ODAD4: variants seen among roughly 807,000 people sequenced by gnomAD.
ODAD4 encodes the protein outer dynein arm docking complex subunit 4, also known as outer dynein arm-docking complex subunit 4.
Under a neutral mutation model 51.8 loss-of-function variants are expected in ODAD4, and 49 were observed. That is an observed-to-expected ratio of 0.95 (90% confidence interval 0.75 to 1.20). The LOEUF (loss-of-function observed/expected upper bound fraction) is 1.20, where lower values mean the gene tolerates loss of function less well. Ranked by LOEUF, ODAD4 falls within the 50% of genes most tolerant of loss-of-function variation. The pLI is 0.00. For missense variants in ODAD4, 590 were observed against 586.5 expected (o/e 1.01, Z -0.06); for synonymous variants, 235 against 221.3 (o/e 1.06, Z -0.55).
intron 8 of ODAD4, among the ~76,000 whole-genome samples, chr17:41,947,434 G>A (rs1186588726): frequency 1.3e-5 from 2 of 151,410 alleles, no homozygotes; most frequent in South Asian, 2.1e-4. Context: ...GAAGTGAGCC[G>A]AGATCACGCC....
At chr17:41,947,948 G>A (rs2144516274) in intron 8 of ODAD4, among the ~76,000 whole-genome samples, 1 of 151,480 alleles carries the variant, frequency 6.6e-6, no homozygotes, top group African/African-American at 2.4e-5. Flanking sequence ...GAGAAACCCC[G>A]TTTCTACTAA....
At chr17:41,951,316 C>A (rs2050648301) in intron 9 of ODAD4, among the ~76,000 whole-genome samples, 1 of 151,994 alleles carries the variant, frequency 6.6e-6, no homozygotes, top group Non-Finnish European at 1.5e-5. Context: ...AACTCTTGAC[C>A]TCGTGATCTG....
chr17:41,965,766 T>TACAGGGAACAAGAAGTC lies in ODAD4; in HGVS notation c.*291_*307dup, dbSNP rs2050875812. ...TTCAGGAGGGTGAAGATACGGGCGC[T>TACAGGGAACAAGAAGTC]ACAGGGAACAAGAAGTCACAGGGAG... On this transcript the variant is annotated 3_prime_UTR_variant, in exon 12 of 12. Transcript: ENST00000377540. The TACAGGGAACAAGAAGTC allele has an allele frequency of 2.9e-6, 1 of 346,554 alleles. No individual in the cohort carries two copies. The highest frequency in any genetic ancestry group is 6.7e-5 in the East Asian group (1 of 14,972). 21.5% of individuals were successfully genotyped at this position (346,554 alleles called of 1,614,324 possible).
chr17:41,955,659 T>G (rs1334330466), intron 10 of ODAD4, among the ~76,000 whole-genome samples: 2 of 152,134 alleles, frequency 1.3e-5, no homozygotes, highest in Admixed American at 6.6e-5. Context: ...CTCCTGACTT[T>G]GTGATCCGCC....
chr17:41,931,641 A>G (rs1481647282), intron 1 of ODAD4, among the ~76,000 whole-genome samples: 1 of 151,960 alleles, frequency 6.6e-6, no homozygotes, highest in Non-Finnish European at 1.5e-5. Context: ...CCCCAGGTTC[A>G]AGCGATTTTC....
intron 1 of ODAD4, among the ~76,000 whole-genome samples, chr17:41,932,807 C>G (rs1182577318): frequency 6.9e-6 from 1 of 145,482 alleles, no homozygotes; most frequent in Non-Finnish European, 1.5e-5. Context: ...TCAAGTAATA[C>G]TCCCGCTTTG....
intron 9 of ODAD4, 146 bp downstream of exon 9, chr17:41,949,495 T>G (rs1349430224): frequency 2.5e-6 from 1 of 395,510 alleles, no homozygotes; most frequent in Non-Finnish European, 4.4e-6. Context: ...CACTCTATTT[T>G]GACCAGCACG....
chr17:41,939,111 C>CT lies in ODAD4; in HGVS notation c.998dup (p.Gln335AlafsTer20), dbSNP rs1567930554. 6.2e-7 allele frequency: 1 copy of CT among 1,613,996 alleles called. No individual in the cohort carries two copies. The highest frequency in any genetic ancestry group is 8.5e-7 in the Non-Finnish European group (1 of 1,179,894). On this transcript the variant is annotated frameshift_variant, in exon 7 of 12. Transcript: ENST00000377540. LOFTEE classifies it high-confidence loss of function. ...CTGCATAGGGAATGCCCAGATTGAG[C>CT]TGGGGCAGATGGAGGCAGCCCTGCA...
At position 41,965,283 on chromosome 17, in the gene ODAD4, G is replaced by A. The variant is rs200610016; in HGVS notation, c.1819G>A (p.Glu607Lys). The A allele has an allele frequency of 1.1e-3, 856 of 779,756 alleles. 21 individuals are homozygous for A. Among genetic ancestry groups the A allele is most frequent in the South Asian group, 0.01 (776 of 74,324 alleles). 48.3% of individuals were successfully genotyped at this position (779,756 alleles called of 1,614,324 possible). ...GAAGCTACTAGAAGCTGGCAGAAGA[G>A]AGTCAAGAGAAATTTATAGGAGGCC... ...GRKLLEAGRR[E>K]SREIYRRPSG... The change falls in exon 12 of 12, where the codon GAG (glutamate) becomes AAG (lysine). Residue 607 changes from glutamate (E) to lysine (K), a missense_variant. Glu to Lys is a moderately conservative substitution (Grantham distance 56). Transcript: ENST00000377540.
At chr17:41,937,276 A>G (rs572400210) in intron 5 of ODAD4, among the ~76,000 whole-genome samples, 172 of 152,296 alleles carry the variant, frequency 1.1e-3, no homozygotes, top group African/African-American at 4.1e-3. Flanking sequence ...AATCCTTACA[A>G]TGGGCAAAGG....
chr17:41,965,448 A>C lies in ODAD4; in HGVS notation c.1984A>C (p.Lys662Gln). The change falls in exon 12 of 12, where the codon AAA becomes CAA. Residue 662 changes from lysine to glutamine, a missense_variant. Around this residue, in one of 3 missense-constraint regions of ODAD4, gnomAD observed 226 missense variants for 162.7 expected, o/e 1.39. Transcript: ENST00000377540. ...TQFGEIGETKKTGNEMEKEYE is the reference protein window; with the variant it reads ...TQFGEIGETKQTGNEMEKEYE Reference sequence around the variant, plus strand: ...ATTTGGAGAAATAGGAGAAACGAAAAAAACAGGAAATGAGATGGAAAAGGA... The same window carrying C: ...ATTTGGAGAAATAGGAGAAACGAAACAAACAGGAAATGAGATGGAAAAGGA... The C allele has an allele frequency of 1.3e-6, 1 of 773,496 alleles. No individual in the cohort carries two copies. Among genetic ancestry groups the C allele is most frequent in the South Asian group, 1.4e-5 (1 of 72,698 alleles). The allele number at this position is 773,496 out of a possible 1,614,324, so 47.9% of individuals were successfully genotyped here.
At position 41,955,303 on chromosome 17, in the gene ODAD4, C is replaced by A. The variant is rs1555640843; in HGVS notation, c.1429C>A (p.Gln477Lys). 2.6e-6 allele frequency: 2 copies of A among 778,788 alleles called. No homozygotes were observed. Among genetic ancestry groups the A allele is most frequent in the Non-Finnish European group, 4.8e-6 (2 of 417,280 alleles). 48.2% of individuals were successfully genotyped at this position (778,788 alleles called of 1,614,324 possible). ...GCTTGTGCATAACAACGAGGCGCAG[C>A]AGGCCATCATCAGTGTGAGCCTTTC... ...AKLVHNNEAQQAIISALDDAN... is the reference protein window; with the variant it reads ...AKLVHNNEAQKAIISALDDAN... Residue 477 changes from glutamine (Q) to lysine (K), a missense_variant, in exon 10 of 12, where the codon CAG becomes AAG. Gln to Lys is a moderately conservative substitution (Grantham distance 53). Transcript: ENST00000377540.
chr17:41,932,269 A>T (rs565484046), intron 1 of ODAD4, among the ~76,000 whole-genome samples: 1 of 151,892 alleles, frequency 6.6e-6, no homozygotes, highest in South Asian at 2.1e-4. Flanking sequence ...GGGTTTCTCC[A>T]TGTTGGTCAG....
At chr17:41,963,920 G>A (rs1304050670) in intron 11 of ODAD4, among the ~76,000 whole-genome samples, 1 of 148,862 alleles carries the variant, frequency 6.7e-6, no homozygotes, top group Non-Finnish European at 1.5e-5. Context: ...TTTTGAAATG[G>A]AGTCTCCCCT....
chr17:41,937,195 C>G (rs2144494779), intron 5 of ODAD4, among the ~76,000 whole-genome samples: 1 of 152,272 alleles, frequency 6.6e-6, no homozygotes, highest in Non-Finnish European at 1.5e-5. Flanking sequence ...CTATGGTACC[C>G]TGGGAGGGAA....
chr17:41,962,623 T>C (rs1394139266), intron 11 of ODAD4, among the ~76,000 whole-genome samples: 1 of 152,228 alleles, frequency 6.6e-6, no homozygotes, highest in Non-Finnish European at 1.5e-5. Context: ...TGTTATTAGC[T>C]TGACTTTATG....
chr17:41,942,509 A>T (rs2144504848), intron 7 of ODAD4, among the ~76,000 whole-genome samples: 1 of 152,224 alleles, frequency 6.6e-6, no homozygotes, highest in East Asian at 1.9e-4. Flanking sequence ...CACTCATTCA[A>T]CTCGCCAGAA....
intron 7 of ODAD4, among the ~76,000 whole-genome samples, chr17:41,941,933 T>C (rs4594300): frequency 0.69 from 105,624 of 151,998 alleles, 37,538 homozygotes; most frequent in East Asian, 0.83. Flanking sequence ...ATGTAATGAA[T>C]GTGTGCTAAG....
At chr17:41,952,347 G>A (rs111505570) in intron 9 of ODAD4, among the ~76,000 whole-genome samples, 2 of 133,436 alleles carry the variant, frequency 1.5e-5, no homozygotes, top group Non-Finnish European at 3.1e-5. Flanking sequence ...CAGTCCAGGC[G>A]ACTATGAGAC....
Sources: gnomAD v4.1 joint callset for allele counts (sites outside exome capture counted in the v4.1 genomes callset) on GRCh38, gnomAD v4.1.1 for gene constraint, gnomAD v4.1.1 regional missense constraint, MANE v1.5 for transcripts, NCBI Gene and HGNC (gene_info 2026-07-23, HGNC 2026-07-21) for gene names.